WDR7: variants seen among roughly 807,000 people sequenced by gnomAD.
The protein encoded by WDR7 is WD repeat domain 7.
WDR7 carries 46 observed loss-of-function variants against 169.4 expected under a neutral mutation model. The ratio of observed to expected loss-of-function variants is 0.27; its 90% CI spans 0.21 to 0.35. WDR7 has a LOEUF of 0.35. Ranked by LOEUF, WDR7 falls within the 10% of genes least tolerant of loss-of-function variation. The probability of loss-of-function intolerance (pLI) is 1.00; values close to 1 mark genes in which losing one functional copy is unlikely to be tolerated. For synonymous variants in WDR7, 612 were observed against 666.8 expected, an observed-to-expected ratio of 0.92 and a Z score of 1.27; for missense variants, 1,534 against 1,859.3, an observed-to-expected ratio of 0.83 and a Z score of 3.22.
In WDR7 at chr18:57,017,412, C is replaced by CTGTG. The variant is rs10571337; in HGVS notation, c.4165-3304_4165-3301dup. On this transcript the variant is annotated intron_variant, in intron 26 of 27. Transcript: ENST00000254442. Reference sequence around the variant, plus strand: ...CTGTAGGGCACCTAGCAGCATCATGCTGTGTGTGTGTGTGTGTGTGTGTGT... The same window carrying CTGTG: ...CTGTAGGGCACCTAGCAGCATCATGCTGTGTGTGTGTGTGTGTGTGTGTGTGTGT... 5.3e-3 allele frequency among the ~76,000 whole-genome samples: 762 copies of CTGTG among 143,742 alleles called. 7 individuals carry two copies. Among genetic ancestry groups the CTGTG allele is most frequent in the African/African-American group, 0.018 (676 of 38,086 alleles). The allele number at this position is 143,742 out of a possible 152,430, so 94.3% of individuals were successfully genotyped here. A position where few individuals can be genotyped will look rare whatever the true frequency, so the allele number is the denominator to read the frequency against.
rs918587814 is a variant in WDR7, at chr18:56,900,441, G to T, written c.3526+20276G>T. Reference sequence around the variant, plus strand: ...AAACCACATCAGTTACCTAAACAGTGGAAGTTTAATACAAAGAGCTTCTCA... The same window carrying T: ...AAACCACATCAGTTACCTAAACAGTTGAAGTTTAATACAAAGAGCTTCTCA... On this transcript the variant is annotated intron_variant, in intron 21 of 27. Transcript: ENST00000254442. 2.6e-5 allele frequency among the ~76,000 whole-genome samples: 4 copies of T among 151,404 alleles called. No homozygotes were observed. In the East Asian group the frequency reaches 7.7e-4, roughly 29 times the overall value.
At chr18:56,710,510 T>C (rs139623329) in intron 12 of WDR7, among the ~76,000 whole-genome samples, 237 of 152,322 alleles carry the variant, frequency 1.6e-3, no homozygotes, top group African/African-American at 5.3e-3. Context: ...CAATTCTACC[T>C]TGGGTATTTA....
chr18:56,962,782 A>G (rs2047356003), intron 26 of WDR7, among the ~76,000 whole-genome samples: 1 of 152,150 alleles, frequency 6.6e-6, no homozygotes, highest in African/African-American at 2.4e-5. Context: ...ACTATTTTGC[A>G]ATACATATTT....
chr18:56,957,034 T>C (rs992272299), intron 25 of WDR7, among the ~76,000 whole-genome samples: 2 of 152,288 alleles, frequency 1.3e-5, no homozygotes, highest in East Asian at 3.9e-4. Context: ...CTTTGGTGAC[T>C]ATCCTACAAA....
chr18:57,012,957 A>C (rs1236084647), intron 26 of WDR7, among the ~76,000 whole-genome samples: 1 of 152,246 alleles, frequency 6.6e-6, no homozygotes, highest in Non-Finnish European at 1.5e-5. Flanking sequence ...TGTCTGGAAC[A>C]GCACCTGGCA....
intron 1 of WDR7, among the ~76,000 whole-genome samples, chr18:56,661,668 T>C (rs1021741852): frequency 2.6e-5 from 4 of 152,182 alleles, no homozygotes; most frequent in African/African-American, 4.8e-5. Flanking sequence ...TAAGAAAGTA[T>C]AATCTTGTCA....
intron 26 of WDR7, among the ~76,000 whole-genome samples, chr18:56,978,451 C>T (rs9956596): frequency 0.019 from 2,946 of 152,218 alleles, 108 homozygotes; most frequent in African/African-American, 0.066. Flanking sequence ...GAAATAGTTT[C>T]GTCCAACATC....
At chr18:56,681,460 C>A in intron 4 of WDR7, 69 bp downstream of exon 4, 1 of 1,002,980 alleles carries the variant, frequency 1.0e-6, no homozygotes, top group Non-Finnish European at 1.4e-6. Flanking sequence ...ATTTTTAAAA[C>A]ATTGAGCCTA....
At chr18:57,034,221 T>C (rs1000870934), downstream of WDR7, 2 of 149,816 alleles carry the variant, frequency 1.3e-5, no homozygotes, top group Non-Finnish European at 3.0e-5. Flanking sequence ...AATAAATAAA[T>C]AAAAATAAAA....
At chr18:56,756,526 A>G in intron 14 of WDR7, 57 bp from the exon 15 acceptor site, 1 of 1,331,634 alleles carries the variant, frequency 7.5e-7, no homozygotes, top group Non-Finnish European at 1.0e-6. Flanking sequence ...TTTATTAATG[A>G]ATGTATGAAA....
intron 16 of WDR7, among the ~76,000 whole-genome samples, chr18:56,761,055 G>A (rs942778957): frequency 6.6e-5 from 10 of 152,160 alleles, no homozygotes; most frequent in Middle Eastern, 3.4e-3. Flanking sequence ...TTAGACCCAG[G>A]CTGGGGTGCA....
chr18:56,752,022 TA>T (rs1479265716), intron 14 of WDR7, among the ~76,000 whole-genome samples: 1 of 152,206 alleles, frequency 6.6e-6, no homozygotes, highest in African/African-American at 2.4e-5. Context: ...TTTATACAAT[TA>T]AGTTTGATCA....
At chr18:56,660,595 G>A (rs2144442814) in intron 1 of WDR7, among the ~76,000 whole-genome samples, 1 of 151,902 alleles carries the variant, frequency 6.6e-6, no homozygotes, top group South Asian at 2.1e-4. Flanking sequence ...CATTGAGGGA[G>A]GGAGTGTTGC....
intron 27 of WDR7, among the ~76,000 whole-genome samples, chr18:57,021,142 G>C (rs908150159): frequency 3.9e-5 from 6 of 152,250 alleles, no homozygotes; most frequent in Non-Finnish European, 5.9e-5. Flanking sequence ...CTGAGAATAA[G>C]GTGGTGGGAA....
At chr18:57,010,961 A>G (rs2048127786) in intron 26 of WDR7, among the ~76,000 whole-genome samples, 3 of 152,212 alleles carry the variant, frequency 2.0e-5, no homozygotes, top group Admixed American at 1.3e-4. Flanking sequence ...TTGGTAAGCA[A>G]CGATTGGCTT....
chr18:56,838,843 C>G (rs1441100565), intron 20 of WDR7, among the ~76,000 whole-genome samples: 2 of 151,978 alleles, frequency 1.3e-5, no homozygotes, highest in Non-Finnish European at 2.9e-5. Context: ...ATTTCATTAG[C>G]TTTAAGTTTT....
intron 21 of WDR7, among the ~76,000 whole-genome samples, chr18:56,901,663 ACTTTTATTTGC>A (rs1277049858): frequency 6.6e-6 from 1 of 152,148 alleles, no homozygotes; most frequent in Non-Finnish European, 1.5e-5. Flanking sequence ...TCTATATTTA[ACTTTTATTTGC>A]CTTTTAATTG....
At chr18:57,013,387 C>T (rs941857937) in intron 26 of WDR7, among the ~76,000 whole-genome samples, 2 of 152,178 alleles carry the variant, frequency 1.3e-5, no homozygotes, top group African/African-American at 4.8e-5. Flanking sequence ...CATGTTTACC[C>T]TTCCATGTAC....
intron 6 of WDR7, among the ~76,000 whole-genome samples, chr18:56,686,575 G>A (rs543101135): frequency 2.0e-5 from 3 of 151,942 alleles, no homozygotes; most frequent in Non-Finnish European, 2.9e-5. Flanking sequence ...ACAAAAATTA[G>A]GATTAAGGCA....
Sources: gnomAD v4.1 joint callset for allele counts (sites outside exome capture counted in the v4.1 genomes callset) on GRCh38, gnomAD v4.1.1 for gene constraint, MANE v1.5 for transcripts, NCBI Gene and HGNC (gene_info 2026-07-23, HGNC 2026-07-21) for gene names.